EVL: variants seen among roughly 807,000 people sequenced by gnomAD.
EVL encodes the protein ena/VASP-like protein.
In EVL, 21 loss-of-function variants were observed where a neutral mutation model predicts 59.6. The observed-to-expected ratio is 0.35, with a 90% CI of 0.25 to 0.51. EVL has a LOEUF of 0.51. EVL is among the 20% of genes least tolerant of loss of function. The pLI, the probability that EVL is intolerant of heterozygous loss-of-function variation, is 0.97. For missense variants in EVL, 462 were observed against 546.6 expected (o/e 0.85, Z 1.54); for synonymous variants, 198 against 203.5 (o/e 0.97, Z 0.23).
chr14:100,135,013 CTGA>C (rs1319654879), intron 8 of EVL: 1 of 152,260 alleles, frequency 6.6e-6, no homozygotes, highest in Non-Finnish European at 1.5e-5. Context: ...TTTAGTGACT[CTGA>C]TGTCACCCTG....
intron 1 of EVL, among the ~76,000 whole-genome samples, chr14:100,069,152 G>A (rs2061997333): frequency 6.6e-6 from 1 of 152,066 alleles, no homozygotes; most frequent in South Asian, 2.1e-4. Flanking sequence ...CACATTTATT[G>A]AACTGCTGGA....
chr14:100,057,527 C>T (rs1433872388), intron 1 of EVL, among the ~76,000 whole-genome samples: 2 of 151,744 alleles, frequency 1.3e-5, no homozygotes, highest in Non-Finnish European at 2.9e-5. Flanking sequence ...GTTTGTTGTT[C>T]TTCATGTCTT....
At chr14:100,143,614 G>A in intron 13 of EVL, 87 bp from the exon 14 acceptor site, 4 of 1,526,146 alleles carry the variant, frequency 2.6e-6, no homozygotes, top group Non-Finnish European at 3.6e-6. Context: ...ATACCAGGCA[G>A]GTCCACGCCA....
chr14:100,010,075 C>T (rs1191047821), intron 1 of EVL, among the ~76,000 whole-genome samples: 1 of 152,056 alleles, frequency 6.6e-6, no homozygotes, highest in African/African-American at 2.4e-5. Flanking sequence ...TTGATTGTCT[C>T]CTGGATCTGG....
At chr14:100,033,959 C>G (rs2061350427) in intron 1 of EVL, among the ~76,000 whole-genome samples, 1 of 151,822 alleles carries the variant, frequency 6.6e-6, no homozygotes, top group East Asian at 1.9e-4. Context: ...GGCATGGTGG[C>G]TCATGTCTGT....
intron 12 of EVL, among the ~76,000 whole-genome samples, 155 bp from the exon 13 acceptor site, chr14:100,141,574 GTCCCCCC>G (rs1889168113): frequency 6.6e-6 from 1 of 152,168 alleles, no homozygotes; most frequent in African/African-American, 2.4e-5. Context: ...CTCCCATGCC[GTCCCCCC>G]TCAGCGTGGG....
At chr14:100,119,863 G>T (rs1179022223) in intron 3 of EVL, among the ~76,000 whole-genome samples, 1 of 152,170 alleles carries the variant, frequency 6.6e-6, no homozygotes, top group Non-Finnish European at 1.5e-5. Context: ...CCCACTGCCT[G>T]CCCAGGTTAG....
intron 2 of EVL, among the ~76,000 whole-genome samples, chr14:100,091,152 A>G (rs1402211020): frequency 2.0e-5 from 3 of 152,186 alleles, no homozygotes; most frequent in Non-Finnish European, 4.4e-5. Context: ...TCAGAAAACA[A>G]GAGTCTCTCT....
rs1014287830 is a variant in EVL at position 100,065,429 on chromosome 14, T to C, written c.-72T>C. 3.0e-6 allele frequency: 4 copies of C among 1,332,274 alleles called. No homozygotes were observed. The African/African-American group carries it at 6.0e-5, about 20-fold the overall frequency. The allele number at this position is 1,332,274 out of a possible 1,614,324, so 82.5% of individuals were successfully genotyped here. Reference sequence around the variant, plus strand: ...GCTGTCTTCAGAGGGTCTGTGGTCCTCTGATCAACATAGGCTGGTGGGAGT... The same window carrying C: ...GCTGTCTTCAGAGGGTCTGTGGTCCCCTGATCAACATAGGCTGGTGGGAGT... On this transcript the variant is annotated 5_prime_UTR_variant, in exon 1 of 14. Transcript: ENST00000392920.
intron 13 of EVL, 156 bp downstream of exon 13, chr14:100,141,949 C>T: frequency 3.4e-6 from 2 of 583,750 alleles, no homozygotes; most frequent in East Asian, 3.0e-5. Flanking sequence ...GTTGAGGAAA[C>T]AGGCTCAGGA....
intron 1 of EVL, among the ~76,000 whole-genome samples, chr14:100,023,060 T>G (rs1238394610): frequency 3.3e-5 from 5 of 152,076 alleles, no homozygotes; most frequent in African/African-American, 1.2e-4. Flanking sequence ...TAATAGGAGC[T>G]TGAGAGGTTG....
chr14:99,977,371 C>A (rs1237265565), intron 1 of EVL: 4 of 152,048 alleles, frequency 2.6e-5, no homozygotes, highest in Non-Finnish European at 5.9e-5. Flanking sequence ...ATGCTCTAAC[C>A]AGTCCTCCTG....
chr14:100,084,038 TTCTCTC>T (rs199920852), intron 1 of EVL, among the ~76,000 whole-genome samples: 1 of 147,674 alleles, frequency 6.8e-6, no homozygotes, highest in Non-Finnish European at 1.5e-5. Context: ...TAATAATGCA[TTCTCTC>T]TCTCTCTCTT....
intron 3 of EVL, among the ~76,000 whole-genome samples, chr14:100,122,329 C>A (rs947019334): frequency 6.6e-6 from 1 of 152,228 alleles, no homozygotes; most frequent in African/African-American, 2.4e-5. Flanking sequence ...AGACCTTGGG[C>A]AAGCCATTTA....
chr14:100,079,181 G>A (rs568317817), intron 1 of EVL, among the ~76,000 whole-genome samples: 4 of 152,228 alleles, frequency 2.6e-5, no homozygotes, highest in Non-Finnish European at 4.4e-5. Flanking sequence ...GAGCCCACCC[G>A]CAGAGCTGTG....
chr14:100,074,293 A>G (rs938913257), intron 1 of EVL, among the ~76,000 whole-genome samples: 3 of 152,190 alleles, frequency 2.0e-5, no homozygotes, highest in African/African-American at 7.2e-5. Context: ...CCATGTGGAC[A>G]CGGAAGGCAG....
chr14:100,064,592 AT>A (rs2061893451), upstream of EVL, among the ~76,000 whole-genome samples: 2 of 152,218 alleles, frequency 1.3e-5, no homozygotes, highest in African/African-American at 4.8e-5. Context: ...AGAAGTACAA[AT>A]TTTGTTCCAG....
intron 3 of EVL, among the ~76,000 whole-genome samples, chr14:100,099,203 A>T (rs1886028068): frequency 6.6e-6 from 1 of 151,998 alleles, no homozygotes; most frequent in Non-Finnish European, 1.5e-5. Context: ...AAAAAAAGAA[A>T]AAGTGTGTAC....
chr14:100,005,907 T>C (rs1045995810), intron 1 of EVL, among the ~76,000 whole-genome samples: 2 of 152,120 alleles, frequency 1.3e-5, no homozygotes, highest in African/African-American at 4.8e-5. Context: ...GCCATCACTC[T>C]TTTGGTTTGG....
Sources: allele counts gnomAD v4.1 joint callset (sites outside exome capture counted in the v4.1 genomes callset), GRCh38; gene constraint gnomAD v4.1.1; transcripts MANE v1.5; gene names NCBI Gene and HGNC (gene_info 2026-07-23, HGNC 2026-07-21).